The following DECR1 variants were observed in gnomAD, a reference collection of about 807,000 sequenced individuals.
DECR1 encodes the protein 2,4-dienoyl-CoA reductase 1.
In DECR1, 44 loss-of-function variants were observed where a neutral mutation model predicts 38.8. That is an observed-to-expected ratio of 1.13 (90% confidence interval 0.89 to 1.46). DECR1 has a LOEUF of 1.46. DECR1 is among the 40% of genes most tolerant of loss of function. The pLI is 0.00. For missense variants in DECR1, 428 were observed against 405.5 expected, an observed-to-expected ratio of 1.06 and a Z score of -0.48; for synonymous variants, 148 against 135.2, an observed-to-expected ratio of 1.09 and a Z score of -0.66.
chr8:90,018,916 G>T lies in DECR1; in HGVS notation c.280G>T (p.Asp94Tyr). The T allele has an allele frequency of 1.3e-6, 2 of 1,589,610 alleles. No homozygotes were observed. The highest frequency in any genetic ancestry group is 1.7e-6 in the Non-Finnish European group (2 of 1,163,980). ...CAAGGTGTTTATTTCTAGGAAGATG[G>T]ATGTTTTGAAAGCTACCGCAGAACA... ...AQCVIASRKM[D>Y]VLKATAEQIS... Residue 94 changes from aspartate (D) to tyrosine (Y), a missense_variant, in exon 3 of 10, where the codon GAT becomes TAT. Asp to Tyr is a radical substitution (Grantham distance 160, BLOSUM62 -3). Coordinates refer to ENST00000220764, the MANE Select transcript of DECR1 (RefSeq NM_001359.2).
At chr8:90,022,280 G>A (rs757432671) in intron 5 of DECR1, among the ~76,000 whole-genome samples, 2 of 152,114 alleles carry the variant, frequency 1.3e-5, no homozygotes, top group African/African-American at 4.8e-5. Flanking sequence ...TTTGTGCAGC[G>A]CAGGTGATCC....
chr8:90,029,770 A>G (rs1445504494), intron 5 of DECR1, among the ~76,000 whole-genome samples: 1 of 152,142 alleles, frequency 6.6e-6, no homozygotes, highest in Non-Finnish European at 1.5e-5. Context: ...GTACTTGGCC[A>G]GTTACTCTTC....
chr8:90,049,928 A>T (rs184959407), intron 8 of DECR1, among the ~76,000 whole-genome samples: 1 of 152,246 alleles, frequency 6.6e-6, no homozygotes, highest in African/African-American at 2.4e-5. Context: ...AAATGGGGAA[A>T]GGATTCCCTG....
intron 1 of DECR1, chr8:90,006,099 G>C: frequency 3.0e-6 from 2 of 660,822 alleles, no homozygotes; most frequent in East Asian, 2.7e-5. Context: ...CCTCCCATTA[G>C]ACCCCACCTC....
intron 5 of DECR1, among the ~76,000 whole-genome samples, chr8:90,023,060 G>T (rs866662731): frequency 2.0e-5 from 3 of 152,156 alleles, no homozygotes; most frequent in South Asian, 2.1e-4. Context: ...CGCGGTAAAG[G>T]ATTTGTTCTG....
rs1813143033 is a variant in DECR1 at position 90,020,984 on chromosome 8, A to G, written c.493A>G (p.Thr165Ala). Residue 165 changes from threonine (T) to alanine (A), a missense_variant, in exon 5 of 10, where the codon ACT (threonine) becomes GCT (alanine). Thr to Ala is a moderately conservative substitution (Grantham distance 58, BLOSUM62 0). Coordinates refer to ENST00000220764, the MANE Select transcript of DECR1 (RefSeq NM_001359.2). Reference protein sequence around the residue: ...RLSPNAWKTITDIVLNGTAFV... With the variant: ...RLSPNAWKTIADIVLNGTAFV... ...TTCTCCTAATGCTTGGAAAACCATAACTGACATAGTTCTAAATGGCACAGC... is the reference window on the plus strand; with the variant it reads ...TTCTCCTAATGCTTGGAAAACCATAGCTGACATAGTTCTAAATGGCACAGC... The G allele has an allele frequency of 6.3e-7, 1 of 1,598,374 alleles. No individual in the cohort carries two copies. The highest frequency in any genetic ancestry group is 8.5e-7 in the Non-Finnish European group (1 of 1,174,074).
chr8:90,012,439 T>C (rs1217059438), intron 1 of DECR1, among the ~76,000 whole-genome samples: 1 of 152,132 alleles, frequency 6.6e-6, no homozygotes, highest in Admixed American at 6.6e-5. Context: ...AGGTGTTAGC[T>C]ACCGTGCCCG....
intron 6 of DECR1, among the ~76,000 whole-genome samples, chr8:90,038,700 A>G (rs1375720213): frequency 1.3e-5 from 2 of 152,136 alleles, no homozygotes; most frequent in Non-Finnish European, 2.9e-5. Flanking sequence ...CACTTGGACC[A>G]GAAGAGTCTG....
intron 5 of DECR1, among the ~76,000 whole-genome samples, chr8:90,033,024 C>A (rs956430750): frequency 3.3e-5 from 5 of 152,094 alleles, no homozygotes; most frequent in Non-Finnish European, 2.9e-5. Context: ...AATCTAGGGT[C>A]CAGAGCAGGG....
rs536421525 is a variant in DECR1 at position 90,023,037 on chromosome 8, G to A, written c.565+1981G>A. Among the ~76,000 whole-genome samples, 12 of 152,286 alleles carry A rather than the reference G, an allele frequency of 7.9e-5. No individual in the cohort carries two copies. The South Asian group carries it at 2.5e-3, about 32-fold the overall frequency. On this transcript the variant is annotated intron_variant, in intron 5 of 9. Coordinates refer to ENST00000220764, the MANE Select transcript of DECR1 (RefSeq NM_001359.2). ...GAGTTTGGAGAACTTGGACCACTCA[G>A]CTGAGGGGAGTACGCGGTAAAGGAT...
In DECR1 at chr8:90,036,839, A is replaced by T; in HGVS notation, c.566-2A>T. On this transcript the variant is annotated splice_acceptor_variant, in intron 5 of 9. Coordinates refer to ENST00000220764, the MANE Select transcript of DECR1 (RefSeq NM_001359.2). LOFTEE classifies it high-confidence loss of function. Reference sequence around the variant, plus strand: ...ATCAACTGTATCCTTTTAAAATTTCAGGAGCAGCATTTCTTTCTATTACTA... The same window carrying T: ...ATCAACTGTATCCTTTTAAAATTTCTGGAGCAGCATTTCTTTCTATTACTA... The T allele has an allele frequency of 1.2e-6, 2 of 1,606,930 alleles. No individual in the cohort carries two copies. The highest frequency in any genetic ancestry group is 1.7e-6 in the Non-Finnish European group (2 of 1,174,826).
chr8:90,006,098 A>C, intron 1 of DECR1: 1 of 659,706 alleles, frequency 1.5e-6, no homozygotes, highest in South Asian at 1.7e-5. Flanking sequence ...ACCTCCCATT[A>C]GACCCCACCT....
chr8:90,033,442 A>G (rs1813544921), intron 5 of DECR1, among the ~76,000 whole-genome samples: 1 of 152,178 alleles, frequency 6.6e-6, no homozygotes, highest in South Asian at 2.1e-4. Context: ...AAGCTTTTCC[A>G]TGAGCAGTTA....
Position 90,044,714 on chromosome 8 carries a change from A to G in DECR1, c.739-135A>G. 3 of 803,586 alleles carry G rather than the reference A, an allele frequency of 3.7e-6. No individual in the cohort carries two copies. The South Asian group carries it at 9.0e-5, about 24-fold the overall frequency. The allele number at this position is 803,586 out of a possible 1,614,324, so 49.8% of individuals were successfully genotyped here. The stretch of plus-strand genomic sequence containing the variant: ...TTTTTTTTTTAAGAATAATTTGGTG[A>G]AATTCTTTTTTACTTACAAAGCCTA... On this transcript the variant is annotated intron_variant, in intron 7 of 9. Coordinates refer to ENST00000220764, the MANE Select transcript of DECR1 (RefSeq NM_001359.2).
rs772160149 is a variant in DECR1 at position 90,051,882 on chromosome 8, G to A, written c.993G>A (p.Lys331=). The A allele has an allele frequency of 8.1e-6, 13 of 1,613,626 alleles. No homozygotes were observed. Among genetic ancestry groups the A allele is most frequent in the African/African-American group, 2.7e-5 (2 of 74,888 alleles). The change falls in exon 10 of 10, where the codon AAG becomes AAA. Residue 331 remains lysine (K), a synonymous_variant. Transcript: ENST00000220764. ...QWDTIEELIR[K]TKGS is the part of the protein sequence containing the mutation. ...ACACCATAGAAGAACTCATCAGGAA[G>A]ACAAAAGGTTCCTAAGACCACTTTG...
intron 8 of DECR1, 115 bp downstream of exon 8, chr8:90,045,110 T>C: frequency 1.1e-6 from 1 of 889,998 alleles, no homozygotes; most frequent in South Asian, 1.5e-5. Flanking sequence ...AAAATATGTA[T>C]TTAGTTGTAA....
intron 5 of DECR1, among the ~76,000 whole-genome samples, chr8:90,021,734 A>G (rs2130064522): frequency 6.6e-6 from 1 of 152,300 alleles, no homozygotes; most frequent in African/African-American, 2.4e-5. Flanking sequence ...TTTAGAAGAC[A>G]ATAAGATCAA....
intron 1 of DECR1, among the ~76,000 whole-genome samples, chr8:90,006,674 A>G (rs1307400533): frequency 6.6e-6 from 1 of 152,184 alleles, no homozygotes; most frequent in African/African-American, 2.4e-5. Flanking sequence ...GGTGAGGATG[A>G]GAGATGGGGC....
chr8:90,012,674 A>G (rs1277185833), intron 1 of DECR1, among the ~76,000 whole-genome samples: 2 of 152,152 alleles, frequency 1.3e-5, no homozygotes, highest in East Asian at 1.9e-4. Flanking sequence ...CCGAATGCCT[A>G]ACTGGTGCCA....
Sources: allele counts gnomAD v4.1 joint callset (sites outside exome capture counted in the v4.1 genomes callset), GRCh38; gene constraint gnomAD v4.1.1; transcripts MANE v1.5; gene names NCBI Gene and HGNC (gene_info 2026-07-23, HGNC 2026-07-21).